PTPRM: variants seen among roughly 807,000 people sequenced by gnomAD.
The protein encoded by PTPRM is receptor-type tyrosine-protein phosphatase mu.
PTPRM carries 47 observed loss-of-function variants against 186.7 expected under a neutral mutation model. That is an observed-to-expected ratio of 0.25 (90% CI 0.20 to 0.32). PTPRM has a LOEUF of 0.32. PTPRM is among the 10% of genes least tolerant of loss of function. The pLI is 1.00. For synonymous variants in PTPRM, 668 were observed against 674.9 expected, an observed-to-expected ratio of 0.99 and a Z score of 0.16; for missense variants, 1,494 against 1,865.0, an observed-to-expected ratio of 0.80 and a Z score of 3.66.
At chr18:8,188,903 G>A (rs2093675280) in intron 14 of PTPRM, among the ~76,000 whole-genome samples, 1 of 152,138 alleles carries the variant, frequency 6.6e-6, no homozygotes, top group Admixed American at 6.5e-5. Flanking sequence ...TAAGTCATAA[G>A]CCACTGGATT....
intron 2 of PTPRM, among the ~76,000 whole-genome samples, chr18:7,859,825 G>A (rs558079795): frequency 3.4e-4 from 51 of 152,212 alleles, no homozygotes; most frequent in African/African-American, 1.1e-3. Context: ...TGTGAAAACC[G>A]TGGCCAGGTC....
At chr18:8,108,960 TA>T (rs1414396468) in intron 11 of PTPRM, among the ~76,000 whole-genome samples, 1 of 152,218 alleles carries the variant, frequency 6.6e-6, no homozygotes, top group Non-Finnish European at 1.5e-5. Flanking sequence ...TAATAGAATT[TA>T]AATTCAGCTC....
intron 23 of PTPRM, among the ~76,000 whole-genome samples, chr18:8,354,402 A>C (rs998644227): frequency 3.9e-5 from 6 of 152,078 alleles, no homozygotes; most frequent in Admixed American, 2.6e-4. Flanking sequence ...GCGAGAACAA[A>C]GAGACCCAGA....
At chr18:8,122,062 T>A (rs896594750) in intron 13 of PTPRM, 2 of 152,282 alleles carry the variant, frequency 1.3e-5, no homozygotes, top group Non-Finnish European at 2.9e-5. Context: ...GGGAAAAGAA[T>A]TCAGAATATT....
intron 1 of PTPRM, among the ~76,000 whole-genome samples, chr18:7,683,714 A>G (rs1449214354): frequency 1.3e-5 from 2 of 152,178 alleles, no homozygotes; most frequent in African/African-American, 4.8e-5. Flanking sequence ...ATTGCTACAA[A>G]TTTAGCAAAT....
chr18:7,865,730 C>G (rs772656962), intron 2 of PTPRM, among the ~76,000 whole-genome samples: 1 of 152,018 alleles, frequency 6.6e-6, no homozygotes, highest in Non-Finnish European at 1.5e-5. Flanking sequence ...CCTTCTTTTT[C>G]TCTTGTTTGG....
intron 3 of PTPRM, among the ~76,000 whole-genome samples, chr18:7,905,749 G>T (rs914015958): frequency 3.3e-5 from 5 of 152,054 alleles, no homozygotes; most frequent in Admixed American, 6.5e-5. Flanking sequence ...ACCTCCTCAT[G>T]GGAGGTCCTC....
chr18:8,206,308 G>A (rs1269715061), intron 14 of PTPRM, among the ~76,000 whole-genome samples: 1 of 150,012 alleles, frequency 6.7e-6, no homozygotes, highest in Non-Finnish European at 1.5e-5. Flanking sequence ...AGGCTGGAGT[G>A]CAGTCGCGCC....
intron 14 of PTPRM, among the ~76,000 whole-genome samples, chr18:8,240,382 G>A (rs925658457): frequency 6.7e-6 from 1 of 148,962 alleles, no homozygotes; most frequent in African/African-American, 2.5e-5. Flanking sequence ...CTTATAGTGA[G>A]CCGAGATCGC....
chr18:8,158,503 T>C (rs1385174754), intron 14 of PTPRM, among the ~76,000 whole-genome samples: 1 of 152,226 alleles, frequency 6.6e-6, no homozygotes, highest in Non-Finnish European at 1.5e-5. Context: ...AGTTTTGTTT[T>C]ATATTAATAA....
intron 14 of PTPRM, among the ~76,000 whole-genome samples, chr18:8,239,674 G>T (rs957006265): frequency 1.3e-5 from 2 of 152,102 alleles, no homozygotes; most frequent in East Asian, 1.9e-4. Context: ...TCTCCAATTT[G>T]GGGGGCAGTG....
rs759055250 is a variant in PTPRM, at chr18:7,952,688, CA to C, written c.839-2418del. ...TGGGCGACAGAGCAAGACTCCATCTCAAAAAAAAAAAAAAAGAAAAGAAAAT... is the reference window on the plus strand; with the variant it reads ...TGGGCGACAGAGCAAGACTCCATCTCAAAAAAAAAAAAAAGAAAAGAAAAT... On this transcript the variant is annotated intron_variant, in intron 6 of 32. Transcript: ENST00000580170. Among the ~76,000 whole-genome samples the C allele has an allele frequency of 2.9e-3, 271 of 93,824 alleles. 1 individual carries two copies. Among genetic ancestry groups the C allele is most frequent in the Middle Eastern group, 8.6e-3 (1 of 116 alleles). The allele number at this position is 93,824 out of a possible 152,430, so 61.6% of individuals were successfully genotyped here.
At chr18:7,699,571 G>T (rs2039915964) in intron 1 of PTPRM, among the ~76,000 whole-genome samples, 2 of 151,976 alleles carry the variant, frequency 1.3e-5, no homozygotes, top group Non-Finnish European at 2.9e-5. Flanking sequence ...ACCACACCTG[G>T]CTAATTTTTG....
intron 23 of PTPRM, among the ~76,000 whole-genome samples, chr18:8,369,565 G>A (rs555952264): frequency 6.6e-6 from 1 of 152,242 alleles, no homozygotes; most frequent in East Asian, 1.9e-4. Flanking sequence ...CAGGAAGAGC[G>A]CAGTGACTGT....
At chr18:7,870,916 A>G (rs2047952020) in intron 2 of PTPRM, among the ~76,000 whole-genome samples, 1 of 152,210 alleles carries the variant, frequency 6.6e-6, no homozygotes, top group African/African-American at 2.4e-5. Context: ...TCAAACTCCA[A>G]CAATAATGGT....
At chr18:7,957,819 G>C (rs923969152) in intron 7 of PTPRM, among the ~76,000 whole-genome samples, 8 of 152,178 alleles carry the variant, frequency 5.3e-5, no homozygotes, top group African/African-American at 1.9e-4. Context: ...GGAAACGTGT[G>C]CTGTAAATTA....
intron 23 of PTPRM, among the ~76,000 whole-genome samples, chr18:8,362,915 G>A (rs528582179): frequency 3.3e-5 from 5 of 152,284 alleles, no homozygotes; most frequent in East Asian, 1.9e-4. Flanking sequence ...CAGACAGTGC[G>A]GCTCCAGGGA....
In PTPRM at chr18:8,113,017, C is replaced by T. The variant is rs181453203; in HGVS notation, c.1857-469C>T. ...AAACCTTAGTTAACATGAATCACTA[C>T]ACATTGTGTTTTGTGATTTGTTAAA... is the stretch of plus-strand genomic sequence containing the variant. On this transcript the variant is annotated intron_variant, in intron 11 of 32. Coordinates refer to ENST00000580170, the MANE Select transcript of PTPRM (RefSeq NM_001105244.2). Among the ~76,000 whole-genome samples, 27 of 152,328 alleles carry T rather than the reference C, an allele frequency of 1.8e-4. No individual in the cohort carries two copies. In the East Asian group the frequency reaches 3.3e-3, roughly 18 times the overall value.
At chr18:7,852,823 C>T (rs2046930612) in intron 2 of PTPRM, among the ~76,000 whole-genome samples, 1 of 152,108 alleles carries the variant, frequency 6.6e-6, no homozygotes, top group South Asian at 2.1e-4. Flanking sequence ...ATGATCACAC[C>T]ACTGTACTCC....
Sources: allele counts gnomAD v4.1 joint callset (sites outside exome capture counted in the v4.1 genomes callset), GRCh38; gene constraint gnomAD v4.1.1; transcripts MANE v1.5; gene names NCBI Gene and HGNC (gene_info 2026-07-23, HGNC 2026-07-21).